Variants in SLCO1B3 observed in about 807,000 individuals in gnomAD.
SLCO1B3 encodes the protein liver-specific organic anion transporter 2.
In SLCO1B3, 72 loss-of-function variants were observed where a neutral mutation model predicts 71.8. The ratio of observed to expected loss-of-function variants is 1.00; its 90% CI spans 0.83 to 1.22. SLCO1B3 has a LOEUF of 1.22. Ranked by LOEUF, SLCO1B3 falls within the 50% of genes most tolerant of loss-of-function variation. The pLI is 0.00. For missense variants in SLCO1B3, 911 were observed against 819.7 expected (o/e 1.11, Z -1.36); for synonymous variants, 298 against 278.4 (o/e 1.07, Z -0.70).
intron 15 of SLCO1B3, among the ~76,000 whole-genome samples, chr12:20,908,288 C>T (rs756802784): frequency 1.2e-4 from 19 of 152,174 alleles, no homozygotes; most frequent in Non-Finnish European, 2.1e-4. Flanking sequence ...CCATATCTTG[C>T]CTGCTCCCGC....
intron 15 of SLCO1B3, among the ~76,000 whole-genome samples, chr12:20,906,576 G>A (rs1456894318): frequency 5.3e-5 from 8 of 152,104 alleles, no homozygotes; most frequent in Non-Finnish European, 1.2e-4. Context: ...AGGAGAAACT[G>A]TGTACCTGTT....
intron 3 of SLCO1B3, among the ~76,000 whole-genome samples, chr12:20,835,569 A>G (rs1288673398): frequency 6.6e-6 from 1 of 152,200 alleles, no homozygotes; most frequent in Non-Finnish European, 1.5e-5. Flanking sequence ...GCTACAGAAT[A>G]ACAAGAATCA....
chr12:20,870,572 C>T (rs1367768144), intron 8 of SLCO1B3, among the ~76,000 whole-genome samples: 23 of 152,102 alleles, frequency 1.5e-4, no homozygotes, highest in Admixed American at 1.4e-3. Context: ...TTTCTCAACA[C>T]CATTTATCAG....
At chr12:20,844,571 GA>G (rs956020099) in intron 3 of SLCO1B3, among the ~76,000 whole-genome samples, 6 of 148,722 alleles carry the variant, frequency 4.0e-5, no homozygotes, top group South Asian at 2.1e-4. Flanking sequence ...CTGTCTCAAA[GA>G]AAAAAAAAAT....
chr12:20,844,216 G>A (rs1480780858), intron 3 of SLCO1B3, among the ~76,000 whole-genome samples: 1 of 151,820 alleles, frequency 6.6e-6, no homozygotes. Context: ...ATATACATAA[G>A]TGTAAGTTAT....
intron 3 of SLCO1B3, among the ~76,000 whole-genome samples, chr12:20,852,675 C>T (rs1417416144): frequency 6.6e-6 from 1 of 151,800 alleles, no homozygotes; most frequent in Non-Finnish European, 1.5e-5. Flanking sequence ...TAAGTTTATT[C>T]CTAAGTGTTT....
At chr12:20,844,517 G>C (rs1317628383) in intron 3 of SLCO1B3, among the ~76,000 whole-genome samples, 4 of 150,852 alleles carry the variant, frequency 2.7e-5, no homozygotes, top group Non-Finnish European at 5.9e-5. Flanking sequence ...GCAGTGAGCC[G>C]AGATCACACC....
chr12:20,894,053 A>C lies in SLCO1B3; in HGVS notation c.1683-4383A>C, dbSNP rs577817585. On this transcript the variant is annotated intron_variant, in intron 13 of 15. Coordinates refer to ENST00000381545, the MANE Select transcript of SLCO1B3 (RefSeq NM_019844.4). ...CTGTGCTATCTATTGTTAGGGTTTC[A>C]TTAGGTCTAACTGGAAATTACCTCA... Among the ~76,000 whole-genome samples the C allele has an allele frequency of 2.0e-5, 3 of 152,354 alleles. No homozygotes were observed. The South Asian group carries it at 6.2e-4, about 32-fold the overall frequency.
chr12:20,818,656 A>G (rs147659229), intron 3 of SLCO1B3, among the ~76,000 whole-genome samples: 157 of 152,338 alleles, frequency 1.0e-3, no homozygotes, highest in Non-Finnish European at 1.7e-3. Context: ...ATAGATTTCT[A>G]CGATGGAAAG....
intron 1 of SLCO1B3, among the ~76,000 whole-genome samples, chr12:20,811,381 C>T (rs1156745389): frequency 2.0e-5 from 3 of 152,156 alleles, no homozygotes. Context: ...GTCCCCTTCA[C>T]CCATTCAGGA....
intron 4 of SLCO1B3, among the ~76,000 whole-genome samples, chr12:20,857,839 C>G (rs953214022): frequency 3.9e-5 from 6 of 152,036 alleles, no homozygotes; most frequent in Admixed American, 1.3e-4. Context: ...TCTTATTGCT[C>G]TTCTTCCATG....
chr12:20,817,401 G>T (rs886867782), intron 3 of SLCO1B3, among the ~76,000 whole-genome samples: 2 of 152,064 alleles, frequency 1.3e-5, no homozygotes, highest in African/African-American at 4.8e-5. Context: ...AGAAATAGGG[G>T]TCTAGTTTCA....
intron 3 of SLCO1B3, among the ~76,000 whole-genome samples, chr12:20,839,995 C>T (rs1298524615): frequency 4.6e-5 from 7 of 152,150 alleles, no homozygotes; most frequent in Non-Finnish European, 7.4e-5. Context: ...TGATCTCTAG[C>T]ATTTGTTTTT....
At chr12:20,845,941 AT>A (rs1230591834) in intron 3 of SLCO1B3, among the ~76,000 whole-genome samples, 1 of 148,746 alleles carries the variant, frequency 6.7e-6, no homozygotes, top group Non-Finnish European at 1.5e-5. Flanking sequence ...TGTTGGATTG[AT>A]TTCTTCTATC....
intron 3 of SLCO1B3, among the ~76,000 whole-genome samples, chr12:20,824,158 C>A (rs879680007): frequency 6.6e-6 from 1 of 152,122 alleles, no homozygotes; most frequent in Non-Finnish European, 1.5e-5. Flanking sequence ...ACTAAATTCA[C>A]TTTATTAAAT....
intron 13 of SLCO1B3, among the ~76,000 whole-genome samples, chr12:20,888,810 T>C (rs1307511583): frequency 6.6e-6 from 1 of 152,096 alleles, no homozygotes; most frequent in Non-Finnish European, 1.5e-5. Context: ...ATTCAGTATG[T>C]TATTGACTGT....
intron 5 of SLCO1B3, 99 bp from the exon 6 acceptor site, chr12:20,860,918 C>G (rs1472326383): frequency 1.7e-6 from 2 of 1,176,374 alleles, no homozygotes; most frequent in Non-Finnish European, 2.4e-6. Context: ...TTGGAGAAGA[C>G]AGCGGTTCAA....
chr12:20,905,828 T>G (rs2120414497), intron 15 of SLCO1B3, among the ~76,000 whole-genome samples: 1 of 152,360 alleles, frequency 6.6e-6, no homozygotes, highest in Non-Finnish European at 1.5e-5. Flanking sequence ...TTTCAACCTC[T>G]GCTCGTTACT....
chr12:20,888,901 C>T (rs1158003139), intron 13 of SLCO1B3, among the ~76,000 whole-genome samples: 8 of 151,904 alleles, frequency 5.3e-5, no homozygotes, highest in East Asian at 1.9e-4. Context: ...TATCATAAAG[C>T]GATGCTGGAT....
Sources: gnomAD v4.1 joint callset for allele counts (sites outside exome capture counted in the v4.1 genomes callset) on GRCh38, gnomAD v4.1.1 for gene constraint, MANE v1.5 for transcripts, NCBI Gene and HGNC (gene_info 2026-07-23, HGNC 2026-07-21) for gene names.